Variants in PHF3 observed in about 807,000 individuals in gnomAD.
PHF3 encodes PHD finger protein 3.
PHF3 carries 41 observed loss-of-function variants against 178.4 expected under a neutral mutation model. The ratio of observed to expected loss-of-function variants is 0.23; its 90% CI spans 0.18 to 0.30. The LOEUF is 0.30. Ranked by LOEUF, PHF3 falls within the 10% of genes least tolerant of loss-of-function variation. The pLI, the probability that PHF3 is intolerant of heterozygous loss-of-function variation, is 1.00. For synonymous variants in PHF3, 842 were observed against 800.5 expected (o/e 1.05, Z -0.88); for missense variants, 2,346 against 2,398.1 (o/e 0.98, Z 0.45).
Position 63,684,967 on chromosome 6 carries a change from G to T in PHF3, c.1245G>T (p.Glu415Asp). 1.2e-6 allele frequency: 2 copies of T among 1,614,042 alleles called. No individual in the cohort carries two copies. The highest frequency in any genetic ancestry group is 1.7e-5 in the Admixed American group (1 of 60,032). Residue 415 changes from glutamate to aspartate, a missense_variant, in exon 4 of 16, where the codon GAG becomes GAT. Glu to Asp is a conservative substitution (Grantham distance 45). This residue lies in a region of PHF3 where 843 missense variants were observed against 795.2 expected (regional missense o/e 1.06). Transcript: ENST00000262043. Reference protein sequence around the residue: ...AESNRQLESTEFNKSNLEVVD... With the variant: ...AESNRQLESTDFNKSNLEVVD... ...CTAATAGGCAGTTGGAGAGCACTGA[G>T]TTTAATAAATCAAACTTAGAGGTGG...
intron 2 of PHF3, among the ~76,000 whole-genome samples, chr6:63,672,282 A>G (rs1302346370): frequency 6.6e-6 from 1 of 152,164 alleles, no homozygotes. Context: ...TTAGGAAGCA[A>G]TCCATAAAGT....
rs898560989 is a variant in PHF3 at position 63,717,845 on chromosome 6, CTTATTA to C, written c.*4140_*4145del. On this transcript the variant is annotated 3_prime_UTR_variant, in exon 16 of 16. Coordinates refer to ENST00000262043, the MANE Select transcript of PHF3 (RefSeq NM_001370348.2). ...TCAAAGTAATGATTTTTTTCAGGAACTTATTATTTATAAGGAGACCAAAAAGGTAAA... is the reference window on the plus strand; with the variant it reads ...TCAAAGTAATGATTTTTTTCAGGAACTTTATAAGGAGACCAAAAAGGTAAA... Among the ~76,000 whole-genome samples, 3 of 151,790 alleles carry C rather than the reference CTTATTA, an allele frequency of 2.0e-5. No individual in the cohort carries two copies. The highest frequency in any genetic ancestry group is 4.8e-5 in the African/African-American group (2 of 41,322).
In PHF3 at chr6:63,716,589, G is replaced by A. The variant is rs991107496; in HGVS notation, c.*2881G>A. On this transcript the variant is annotated 3_prime_UTR_variant, in exon 16 of 16. Transcript: ENST00000262043. ...CAAATTTATGATCTTACGGTTCTGT[G>A]GATCAGAAGTCTGTGCAGATCTCAC... 6.6e-6 allele frequency among the ~76,000 whole-genome samples: 1 copy of A among 152,116 alleles called. No individual in the cohort carries two copies. The highest frequency in any genetic ancestry group is 2.4e-5 in the African/African-American group (1 of 41,450).
rs1041080292 is a variant in PHF3, at chr6:63,698,625, A to G, written c.2982+20A>G. On this transcript the variant is annotated intron_variant, in intron 8 of 15. Coordinates refer to ENST00000262043, the MANE Select transcript of PHF3 (RefSeq NM_001370348.2). Reference sequence around the variant, plus strand: ...AACAATGTAAGTATGCTTTGTTCATATGTTTATGCTTCCAACTTTCCTGAG... The same window carrying G: ...AACAATGTAAGTATGCTTTGTTCATGTGTTTATGCTTCCAACTTTCCTGAG... 2 of 1,512,608 alleles carry G rather than the reference A, an allele frequency of 1.3e-6. No homozygotes were observed. Among genetic ancestry groups the G allele is most frequent in the Non-Finnish European group, 1.8e-6 (2 of 1,128,534 alleles). 93.7% of individuals were successfully genotyped at this position (1,512,608 alleles called of 1,614,324 possible).
Position 63,706,872 on chromosome 6 carries a change from C to T in PHF3, c.3707C>T (p.Thr1236Ile), listed in dbSNP as rs1417598289. 3.7e-6 allele frequency: 6 copies of T among 1,613,420 alleles called. No individual in the cohort carries two copies. The highest frequency in any genetic ancestry group is 3.3e-5 in the Admixed American group (2 of 59,932). The part of the protein sequence containing the change: ...YPVSGSPEYL[T>I]EDLPDSIQVG... Reference sequence around the variant, plus strand: ...GTATCTGGCTCCCCAGAATACCTGACAGAGGTACTGTGAACTTTTCTGCTT... The same window carrying T: ...GTATCTGGCTCCCCAGAATACCTGATAGAGGTACTGTGAACTTTTCTGCTT... The change falls in exon 13 of 16, where the codon ACA becomes ATA. Residue 1236 changes from threonine to isoleucine, a missense_variant. Thr to Ile is a moderately conservative substitution (Grantham distance 89). Coordinates refer to ENST00000262043, the MANE Select transcript of PHF3 (RefSeq NM_001370348.2).
rs747345818 is a variant in PHF3, at chr6:63,721,132, A to G, written c.*7424A>G. On this transcript the variant is annotated 3_prime_UTR_variant, in exon 16 of 16. Coordinates refer to ENST00000262043, the MANE Select transcript of PHF3 (RefSeq NM_001370348.2). ...CTCATTCTATAATTTGGATCAATGT[A>G]TTTAATGTAAGAATTACCCATAAAT... 14 of 1,551,386 alleles carry G rather than the reference A, an allele frequency of 9.0e-6. No homozygotes were observed. In the African/African-American group the frequency reaches 1.5e-4, roughly 17 times the overall value.
rs570170253 is a variant in PHF3, at chr6:63,722,738, C to T, written c.*9030C>T. ...TATGCTACACTACTTCTTCCTCCCTCCAGAGTGCCTATTTCCACACCTCCC... is the reference window on the plus strand; with the variant it reads ...TATGCTACACTACTTCTTCCTCCCTTCAGAGTGCCTATTTCCACACCTCCC... On this transcript the variant is annotated 3_prime_UTR_variant, in exon 16 of 16. Coordinates refer to ENST00000262043, the MANE Select transcript of PHF3 (RefSeq NM_001370348.2). 1.2e-4 allele frequency among the ~76,000 whole-genome samples: 19 copies of T among 152,308 alleles called. No homozygotes were observed. Among genetic ancestry groups the T allele is most frequent in the African/African-American group, 4.3e-4 (18 of 41,562 alleles).
intron 4 of PHF3, among the ~76,000 whole-genome samples, chr6:63,690,215 T>C (rs891265620): frequency 1.3e-5 from 2 of 152,156 alleles, no homozygotes; most frequent in Non-Finnish European, 2.9e-5. Flanking sequence ...GTTTTCTTGC[T>C]TGTCAACCCC....
chr6:63,657,086 G>T (rs1765265719), intron 2 of PHF3, among the ~76,000 whole-genome samples: 1 of 152,146 alleles, frequency 6.6e-6, no homozygotes, highest in South Asian at 2.1e-4. Flanking sequence ...GCAAACTCCT[G>T]GAAGACAGAT....
chr6:63,689,173 A>G (rs1168571501), intron 4 of PHF3, among the ~76,000 whole-genome samples: 2 of 152,172 alleles, frequency 1.3e-5, no homozygotes, highest in Non-Finnish European at 2.9e-5. Context: ...AGATTATTTA[A>G]TCCTCTGATT....
chr6:63,720,415 T>G lies in PHF3; in HGVS notation c.*6707T>G. 1 of 525,742 alleles carries G rather than the reference T, an allele frequency of 1.9e-6. No homozygotes were observed. The highest frequency in any genetic ancestry group is 3.3e-6 in the Non-Finnish European group (1 of 305,570). The allele number at this position is 525,742 out of a possible 1,614,324, so 32.6% of individuals were successfully genotyped here. A position where few individuals can be genotyped will look rare whatever the true frequency, so the allele number is the denominator to read the frequency against. ...AAAATATATACAGATAAATTAGATG[T>G]AGGAAAAACAATCAGAACCTTCAGT... On this transcript the variant is annotated 3_prime_UTR_variant, in exon 16 of 16. Coordinates refer to ENST00000262043, the MANE Select transcript of PHF3 (RefSeq NM_001370348.2).
intron 3 of PHF3, among the ~76,000 whole-genome samples, chr6:63,681,497 C>T (rs1181230610): frequency 1.3e-5 from 2 of 151,898 alleles, no homozygotes; most frequent in Non-Finnish European, 1.5e-5. Context: ...TACTTCCTAC[C>T]TCTTTGTAAT....
At chr6:63,661,625 C>T (rs1313500354) in intron 2 of PHF3, among the ~76,000 whole-genome samples, 1 of 152,138 alleles carries the variant, frequency 6.6e-6, no homozygotes. Context: ...ACATCATGGT[C>T]TGACTGATCC....
At chr6:63,680,227 A>C in intron 3 of PHF3, 66 bp downstream of exon 3, 1 of 1,294,256 alleles carries the variant, frequency 7.7e-7, no homozygotes, top group Non-Finnish European at 1.1e-6. Context: ...TAGGTTATAA[A>C]CCTGCTGAGC....
At chr6:63,658,993 C>G (rs1765355361) in intron 2 of PHF3, among the ~76,000 whole-genome samples, 1 of 152,018 alleles carries the variant, frequency 6.6e-6, no homozygotes, top group East Asian at 1.9e-4. Flanking sequence ...TTGTGGCTGA[C>G]CCATATTGTG....
chr6:63,665,436 A>G (rs1582034038), intron 2 of PHF3, among the ~76,000 whole-genome samples: 1 of 147,738 alleles, frequency 6.8e-6, no homozygotes, highest in Admixed American at 6.7e-5. Context: ...GATTTTAATA[A>G]TCACTTCCTG....
Position 63,688,554 on chromosome 6 carries a change from C to G in PHF3, c.2189+2643C>G, listed in dbSNP as rs573144422. 1.1e-3 allele frequency among the ~76,000 whole-genome samples: 159 copies of G among 151,420 alleles called. 1 individual carries two copies. Among genetic ancestry groups the G allele is most frequent in the African/African-American group, 3.7e-3 (153 of 41,298 alleles). On this transcript the variant is annotated intron_variant, in intron 4 of 15. Coordinates refer to ENST00000262043, the MANE Select transcript of PHF3 (RefSeq NM_001370348.2). ...TTCACCGTGTTGGCCAGGCTGGTCT[C>G]GAACTCCTGAATTCAGGTGATCCGC...
chr6:63,704,166 G>A (rs1042750758), intron 11 of PHF3, among the ~76,000 whole-genome samples: 5 of 152,226 alleles, frequency 3.3e-5, no homozygotes, highest in Non-Finnish European at 7.4e-5. Context: ...GCCTCCCTAC[G>A]TGCATAGTCT....
Position 63,712,839 on chromosome 6 carries a change from G to C in PHF3, c.5251G>C (p.Val1751Leu). 6.2e-7 allele frequency: 1 copy of C among 1,613,990 alleles called. No homozygotes were observed. The highest frequency in any genetic ancestry group is 8.5e-7 in the Non-Finnish European group (1 of 1,179,952). Residue 1751 changes from valine to leucine, a missense_variant, in exon 16 of 16, where the codon GTG (valine) becomes CTG (leucine). Val to Leu is a conservative substitution (Grantham distance 32, BLOSUM62 1). This residue lies in a region of PHF3 where 839 missense variants were observed against 806.9 expected (regional missense o/e 1.04). Transcript: ENST00000262043. ...TATTTTAATGCAAAATATTGAAACT[G>C]TGCACCCATTTCGAAGAGGATCAGC... ...EDILMQNIET[V>L]HPFRRGSAVA...
Sources: gnomAD v4.1 joint callset for allele counts (sites outside exome capture counted in the v4.1 genomes callset) on GRCh38, gnomAD v4.1.1 for gene constraint, gnomAD v4.1.1 regional missense constraint, MANE v1.5 for transcripts, NCBI Gene and HGNC (gene_info 2026-07-23, HGNC 2026-07-21) for gene names.